FANCI: variants seen among roughly 807,000 people sequenced by gnomAD.
FANCI encodes the protein FA complementation group I, also known as Fanconi anemia group I protein.
Under a neutral mutation model 176.1 loss-of-function variants are expected in FANCI, and 156 were observed. The observed-to-expected ratio is 0.89, with a 90% confidence interval of 0.78 to 1.01. The LOEUF is 1.01. FANCI is among the 50% of genes least tolerant of loss of function. The pLI, the probability that FANCI is intolerant of heterozygous loss-of-function variation, is 0.00. For missense variants in FANCI, 1,678 were observed against 1,534.1 expected (o/e 1.09, Z -1.57); for synonymous variants, 613 against 541.7 (o/e 1.13, Z -1.83).
Position 89,283,195 on chromosome 15 carries a change from A to C in FANCI, c.1643A>C (p.Lys548Thr), listed in dbSNP as rs2053681603. The C allele has an allele frequency of 1.2e-6, 2 of 1,614,126 alleles. No homozygotes were observed. Reference sequence around the variant, plus strand: ...TTTTTGCTGCTCCTGAAGAACTTTAAAGTTTTAGGCAGCCTGTCATCCTCT... The same window carrying C: ...TTTTTGCTGCTCCTGAAGAACTTTACAGTTTTAGGCAGCCTGTCATCCTCT... Reference protein sequence around the residue: ...AGFLLLLKNFKVLGSLSSSQC... With the variant: ...AGFLLLLKNFTVLGSLSSSQC... The change falls in exon 17 of 38, where the codon AAA (lysine) becomes ACA (threonine). Residue 548 changes from lysine (K) to threonine (T), a missense_variant. Transcript: ENST00000310775.
In FANCI at chr15:89,305,173, TAA is replaced by T. The variant is rs907106559; in HGVS notation, c.3118_3119del (p.Lys1040GlufsTer8). ...NLLFSLHVSYKSPVILLRDLS... is the reference protein window; with the variant it reads ...NLLFSLHVSYXSPVILLRDLS... The stretch of plus-strand genomic sequence containing the variant: ...TGCTCTTCAGCCTGCATGTTTCGTA[TAA>T]GAGTCCTGTCATTCTGCTGCGTGAC... On this transcript the variant is annotated frameshift_variant, in exon 29 of 38. Coordinates refer to ENST00000310775, the MANE Select transcript of FANCI (RefSeq NM_001113378.2). LOFTEE classifies it high-confidence loss of function. The T allele has an allele frequency of 1.2e-6, 2 of 1,614,246 alleles. No homozygotes were observed. Among genetic ancestry groups the T allele is most frequent in the Non-Finnish European group, 1.7e-6 (2 of 1,180,042 alleles).
rs1305294394 is a variant in FANCI at position 89,299,844 on chromosome 15, A to G, written c.2681A>G (p.Glu894Gly). 1.2e-6 allele frequency: 2 copies of G among 1,613,952 alleles called. No individual in the cohort carries two copies. Among genetic ancestry groups the G allele is most frequent in the African/African-American group, 2.7e-5 (2 of 74,922 alleles). The change falls in exon 25 of 38, where the codon GAG (glutamate) becomes GGG (glycine). Residue 894 changes from glutamate to glycine, a missense_variant. This residue lies in a region of FANCI where 1,204 missense variants were observed against 1,077.4 expected (regional missense o/e 1.12). Transcript: ENST00000310775. Reference sequence around the variant, plus strand: ...ACTTCAATTCCTACTTCAGTGGAAGAGTCGGGAAAGAAAGAGAAAGGAAAG... The same window carrying G: ...ACTTCAATTCCTACTTCAGTGGAAGGGTCGGGAAAGAAAGAGAAAGGAAAG... Reference protein sequence around the residue: ...RYTSIPTSVEESGKKEKGKSI... With the variant: ...RYTSIPTSVEGSGKKEKGKSI...
rs2053279364 is a variant in FANCI at position 89,273,444 on chromosome 15, CAAG to C, written c.953_955del (p.Arg318del). ...AGCATTGCTCTTCTTCTGTCTGTAA[CAAG>C]AATACAAAGATTTCAGGACCAGGTA... On this transcript the variant is annotated inframe_deletion, in exon 11 of 38. Transcript: ENST00000310775. The C allele has an allele frequency of 6.5e-7, 1 of 1,540,220 alleles. No individual in the cohort carries two copies. The highest frequency in any genetic ancestry group is 1.5e-5 in the African/African-American group (1 of 67,158).
In FANCI at chr15:89,312,929, C is replaced by A. The variant is rs367665900; in HGVS notation, c.3677C>A (p.Thr1226Lys). 5 of 1,613,228 alleles carry A rather than the reference C, an allele frequency of 3.1e-6. No homozygotes were observed. Among genetic ancestry groups the A allele is most frequent in the South Asian group, 1.1e-5 (1 of 91,062 alleles). Residue 1226 changes from threonine to lysine, a missense_variant, in exon 35 of 38, where the codon ACG becomes AAG. This residue lies in a region of FANCI where 1,204 missense variants were observed against 1,077.4 expected (regional missense o/e 1.12). Coordinates refer to ENST00000310775, the MANE Select transcript of FANCI (RefSeq NM_001113378.2). ...VQNKSKSLNY[T>K]GEKKEKPAAV... ...AATAAGAGTAAGAGCCTGAACTATACGGGAGAGAAAAAGGAGAAACCTGCT... is the reference window on the plus strand; with the variant it reads ...AATAAGAGTAAGAGCCTGAACTATAAGGGAGAGAAAAAGGAGAAACCTGCT...
At chr15:89,264,426 G>A (rs2052851072) in intron 8 of FANCI, 96 bp from the exon 9 acceptor site, 2 of 947,914 alleles carry the variant, frequency 2.1e-6, no homozygotes, top group African/African-American at 1.6e-5. Flanking sequence ...ATTTAAATTT[G>A]TACTGGAGAA....
intron 22 of FANCI, 94 bp from the exon 23 acceptor site, chr15:89,293,739 C>T (rs771241773): frequency 9.4e-6 from 11 of 1,172,076 alleles, no homozygotes; most frequent in Non-Finnish European, 1.4e-5. Flanking sequence ...TAAAATATGA[C>T]ATTTAAAGAA....
At chr15:89,292,168 A>T (rs1203515518) in intron 20 of FANCI, among the ~76,000 whole-genome samples, 1 of 152,208 alleles carries the variant, frequency 6.6e-6, no homozygotes, top group Non-Finnish European at 1.5e-5. Context: ...TCAGAAGGAC[A>T]GCGAAGAGGA....
At chr15:89,279,958 T>A (rs2053553717) in intron 14 of FANCI, among the ~76,000 whole-genome samples, 1 of 152,224 alleles carries the variant, frequency 6.6e-6, no homozygotes, top group Non-Finnish European at 1.5e-5. Flanking sequence ...ACATTAGTAT[T>A]CCTAAAATAC....
At chr15:89,315,797 C>G (rs1416177053) in intron 37 of FANCI, among the ~76,000 whole-genome samples, 2 of 152,178 alleles carry the variant, frequency 1.3e-5, no homozygotes, top group Non-Finnish European at 2.9e-5. Flanking sequence ...AATGTCTTGT[C>G]CTTTTCCCTT....
At position 89,292,994 on chromosome 15, in the gene FANCI, T is replaced by C. The variant is rs1596304890; in HGVS notation, c.2222T>C (p.Ile741Thr). The part of the protein sequence containing the change: ...QSTSIGIKNN[I>T]CAFLVMGVCE... Reference sequence around the variant, plus strand: ...ACCAGTATTGGCATAAAAAATAATATCTGTGCTTTTCTTGTGATGGGAGTT... The same window carrying C: ...ACCAGTATTGGCATAAAAAATAATACCTGTGCTTTTCTTGTGATGGGAGTT... Residue 741 changes from isoleucine to threonine, a missense_variant, in exon 22 of 38, where the codon ATC becomes ACC. This residue lies in a region of FANCI where 1,204 missense variants were observed against 1,077.4 expected (regional missense o/e 1.12). Transcript: ENST00000310775. 6.2e-7 allele frequency: 1 copy of C among 1,614,012 alleles called. No individual in the cohort carries two copies. The highest frequency in any genetic ancestry group is 8.5e-7 in the Non-Finnish European group (1 of 1,179,916).
chr15:89,248,007 A>G (rs2052066473), intron 2 of FANCI, among the ~76,000 whole-genome samples: 1 of 152,242 alleles, frequency 6.6e-6, no homozygotes, highest in African/African-American at 2.4e-5. Context: ...AGCAATTAGT[A>G]TACTTTTATG....
intron 24 of FANCI, among the ~76,000 whole-genome samples, chr15:89,298,576 T>G (rs751803175): frequency 1.5e-4 from 23 of 151,938 alleles, no homozygotes; most frequent in Non-Finnish European, 3.4e-4. Flanking sequence ...AAGAGCAAAT[T>G]ATAATGAAAG....
intron 17 of FANCI, among the ~76,000 whole-genome samples, chr15:89,284,018 C>T (rs2053723736): frequency 6.6e-6 from 1 of 152,122 alleles, no homozygotes; most frequent in Admixed American, 6.5e-5. Flanking sequence ...GCCTCGGCCT[C>T]CCAAAGTGCT....
intron 27 of FANCI, among the ~76,000 whole-genome samples, chr15:89,303,566 G>A (rs189341867): frequency 5.3e-5 from 8 of 152,296 alleles, no homozygotes; most frequent in East Asian, 3.9e-4. Context: ...AAAAGAGGGC[G>A]CTTTAGCCCT....
At chr15:89,274,363 A>G (rs988496905) in intron 12 of FANCI, 59 bp downstream of exon 12, 40 of 1,588,432 alleles carry the variant, frequency 2.5e-5, no homozygotes, top group East Asian at 1.8e-4. Context: ...AGAAAATGCA[A>G]TGTGATATCA....
At chr15:89,292,319 T>G (rs1226501269) in intron 20 of FANCI, among the ~76,000 whole-genome samples, 1 of 152,246 alleles carries the variant, frequency 6.6e-6, no homozygotes, top group East Asian at 1.9e-4. Flanking sequence ...AGATGCTGTG[T>G]TGGTCTCCTA....
chr15:89,272,381 A>G (rs954916162), intron 10 of FANCI, among the ~76,000 whole-genome samples: 1 of 152,020 alleles, frequency 6.6e-6, no homozygotes, highest in Non-Finnish European at 1.5e-5. Flanking sequence ...GAATGGTGAC[A>G]AGTTCTTTAT....
chr15:89,285,207 A>G lies in FANCI; in HGVS notation c.1810A>G (p.Met604Val), dbSNP rs141879625. Residue 604 changes from methionine to valine, a missense_variant, in exon 18 of 38, where the codon ATG becomes GTG. This residue lies in a region of FANCI where 1,204 missense variants were observed against 1,077.4 expected (regional missense o/e 1.12). Coordinates refer to ENST00000310775, the MANE Select transcript of FANCI (RefSeq NM_001113378.2). ...AAGCCAGCAAGCTGATGTTCGACTCATGCTTTATGAGGTAAGTCCGTAGAA... is the reference window on the plus strand; with the variant it reads ...AAGCCAGCAAGCTGATGTTCGACTCGTGCTTTATGAGGTAAGTCCGTAGAA... ...CLSQQADVRL[M>V]LYEGFYDVLR... 177 of 1,614,170 alleles carry G rather than the reference A, an allele frequency of 1.1e-4. No homozygotes were observed. The highest frequency in any genetic ancestry group is 1.4e-4 in the Non-Finnish European group (160 of 1,180,012).
At chr15:89,254,647 A>G (rs2052415916) in intron 2 of FANCI, among the ~76,000 whole-genome samples, 2 of 152,206 alleles carry the variant, frequency 1.3e-5, no homozygotes, top group African/African-American at 4.8e-5. Flanking sequence ...CTACAAAAAA[A>G]TAATTTAAAA....
Sources: gnomAD v4.1 joint callset for allele counts (sites outside exome capture counted in the v4.1 genomes callset) on GRCh38, gnomAD v4.1.1 for gene constraint, gnomAD v4.1.1 regional missense constraint, MANE v1.5 for transcripts, NCBI Gene and HGNC (gene_info 2026-07-23, HGNC 2026-07-21) for gene names.